The following CLOCK variants were observed in gnomAD, a reference collection of about 807,000 sequenced individuals.
The protein encoded by CLOCK is circadian locomoter output cycles protein kaput.
A neutral mutation model predicts 118.4 loss-of-function variants in CLOCK; 43 were observed. The ratio of observed to expected loss-of-function variants is 0.36; its 90% confidence interval spans 0.28 to 0.47. The LOEUF is 0.47. Ranked by LOEUF, CLOCK falls within the 20% of genes least tolerant of loss-of-function variation. The probability of loss-of-function intolerance (pLI) is 1.00; values close to 1 mark genes in which losing one functional copy is unlikely to be tolerated. For synonymous variants in CLOCK, 326 were observed against 339.2 expected (o/e 0.96, Z 0.43); for missense variants, 846 against 999.9 (o/e 0.85, Z 2.08).
At chr4:55,516,145 T>A (rs1729497612) in intron 1 of CLOCK, among the ~76,000 whole-genome samples, 1 of 152,196 alleles carries the variant, frequency 6.6e-6, no homozygotes, top group African/African-American at 2.4e-5. Flanking sequence ...GAGTGTTCCA[T>A]GTAGGCTTGA....
intron 21 of CLOCK, among the ~76,000 whole-genome samples, chr4:55,440,548 ATACTC>A (rs1296466903): frequency 1.3e-5 from 2 of 152,220 alleles, no homozygotes; most frequent in African/African-American, 2.4e-5. Flanking sequence ...TGACAATAAA[ATACTC>A]TATTTTATAC....
At chr4:55,439,884 G>A (rs1326831534) in intron 21 of CLOCK, among the ~76,000 whole-genome samples, 2 of 152,198 alleles carry the variant, frequency 1.3e-5, no homozygotes, top group East Asian at 1.9e-4. Context: ...TGGAGTTTCT[G>A]TTTGGGAAGA....
In CLOCK at chr4:55,463,803, A is replaced by G; in HGVS notation, c.441T>C (p.Ser147=). 6.2e-7 allele frequency: 1 copy of G among 1,607,676 alleles called. No individual in the cohort carries two copies. Among genetic ancestry groups the G allele is most frequent in the Non-Finnish European group, 8.5e-7 (1 of 1,175,974 alleles). The change falls in exon 9 of 23, where the codon TCT becomes TCC. Residue 147 remains serine (S), a splice_region_variant and synonymous_variant. Coordinates refer to ENST00000513440, the MANE Select transcript of CLOCK (RefSeq NM_004898.4). ...TAAATATACTTTGATCCACAAGATC[A>G]GACTGAAAAGAAAATTGTTAAAAGT... ...SVTSLLEHLP[S]DLVDQSIFNF...
intron 1 of CLOCK, among the ~76,000 whole-genome samples, chr4:55,544,123 T>TA (rs914527820): frequency 6.7e-6 from 1 of 148,700 alleles, no homozygotes; most frequent in Non-Finnish European, 1.5e-5. Flanking sequence ...AATCCAGTCC[T>TA]AAAAAAATGT....
intron 8 of CLOCK, among the ~76,000 whole-genome samples, chr4:55,465,399 A>G (rs1016640277): frequency 2.6e-5 from 4 of 152,184 alleles, no homozygotes; most frequent in African/African-American, 9.6e-5. Flanking sequence ...AAGGATGACT[A>G]TATTTTAATG....
intron 1 of CLOCK, among the ~76,000 whole-genome samples, chr4:55,516,989 G>A (rs1729555905): frequency 6.6e-6 from 1 of 151,992 alleles, no homozygotes; most frequent in South Asian, 2.1e-4. Context: ...CCTATCCTTT[G>A]TATCATTCCT....
chr4:55,537,416 G>A (rs1406036243), intron 1 of CLOCK, among the ~76,000 whole-genome samples: 2 of 151,976 alleles, frequency 1.3e-5, no homozygotes, highest in South Asian at 2.1e-4. Flanking sequence ...CTCAGGAGTT[G>A]ACGACCAGCC....
At chr4:55,521,053 G>A (rs6554283) in intron 1 of CLOCK, among the ~76,000 whole-genome samples, 19 of 152,142 alleles carry the variant, frequency 1.2e-4, no homozygotes, top group African/African-American at 4.1e-4. Flanking sequence ...CTATGCTCAC[G>A]GTTTTTTCAG....
chr4:55,453,484 CTT>C lies in CLOCK; in HGVS notation c.1130+191_1130+192del, dbSNP rs111511249. On this transcript the variant is annotated intron_variant, in intron 14 of 22. Coordinates refer to ENST00000513440, the MANE Select transcript of CLOCK (RefSeq NM_004898.4). ...GTAAAGCACAAAATTTATATCAAGA[CTT>C]ATATATCTATATCATTCCTATATTT... 2,733 of 509,822 alleles carry C rather than the reference CTT, an allele frequency of 5.4e-3. 53 individuals carry two copies. Among genetic ancestry groups the C allele is most frequent in the African/African-American group, 0.047 (2,472 of 52,112 alleles). 31.6% of individuals were successfully genotyped at this position (509,822 alleles called of 1,614,324 possible).
intron 2 of CLOCK, among the ~76,000 whole-genome samples, chr4:55,500,759 C>T (rs540153884): frequency 3.3e-5 from 5 of 152,278 alleles, no homozygotes; most frequent in South Asian, 2.1e-4. Context: ...GTAGTCACGA[C>T]TAATTGTTAT....
chr4:55,438,042 C>G (rs992051128), intron 22 of CLOCK, among the ~76,000 whole-genome samples: 4 of 152,208 alleles, frequency 2.6e-5, no homozygotes, highest in Non-Finnish European at 5.9e-5. Context: ...GCCACTCACT[C>G]TGTCCAGCAG....
intron 2 of CLOCK, among the ~76,000 whole-genome samples, chr4:55,508,526 T>C (rs1728947776): frequency 6.6e-6 from 1 of 152,110 alleles, no homozygotes; most frequent in Admixed American, 6.5e-5. Context: ...CTCAAATCTA[T>C]AAATACTCCT....
chr4:55,468,121 T>C (rs188247842), intron 8 of CLOCK, among the ~76,000 whole-genome samples: 8 of 152,252 alleles, frequency 5.3e-5, no homozygotes, highest in African/African-American at 1.9e-4. Flanking sequence ...AGAGATAAGC[T>C]ATTTTTTTAA....
In CLOCK at chr4:55,488,041, C is replaced by T. The variant is rs150452117; in HGVS notation, c.-44+1333G>A. 3.3e-5 allele frequency among the ~76,000 whole-genome samples: 5 copies of T among 152,230 alleles called. No individual in the cohort carries two copies. The East Asian group carries it at 9.6e-4, about 29-fold the overall frequency. On this transcript the variant is annotated intron_variant, in intron 3 of 22. Transcript: ENST00000513440. Reference sequence around the variant, plus strand: ...CATCACTCTTAATTAGGCTTTCATCCCCACCACTCCACTCAAATTGCTCAC... The same window carrying T: ...CATCACTCTTAATTAGGCTTTCATCTCCACCACTCCACTCAAATTGCTCAC...
intron 19 of CLOCK, among the ~76,000 whole-genome samples, 200 bp from the exon 20 acceptor site, chr4:55,444,096 A>G (rs1723593157): frequency 6.6e-6 from 1 of 152,196 alleles, no homozygotes; most frequent in East Asian, 1.9e-4. Flanking sequence ...CTTGTTTCCA[A>G]TTGTTAGAAA....
chr4:55,506,387 T>C (rs1728795705), intron 2 of CLOCK, among the ~76,000 whole-genome samples: 1 of 151,912 alleles, frequency 6.6e-6, no homozygotes, highest in African/African-American at 2.4e-5. Context: ...CTTTACATGG[T>C]ATCCTGCAAG....
chr4:55,443,843 A>C lies in CLOCK; in HGVS notation c.1746T>G (p.Ser582=). 6.2e-7 allele frequency: 1 copy of C among 1,613,814 alleles called. No individual in the cohort carries two copies. Among genetic ancestry groups the C allele is most frequent in the Non-Finnish European group, 8.5e-7 (1 of 1,179,986 alleles). The change falls in exon 20 of 23, where the codon TCT becomes TCG. Residue 582 remains serine (S), a synonymous_variant. Coordinates refer to ENST00000513440, the MANE Select transcript of CLOCK (RefSeq NM_004898.4). The part of the protein sequence containing the change: ...PGLNFGSVQL[S]SGNSSNIQQL... The stretch of plus-strand genomic sequence containing the variant: ...GCTGGATATTAGATGAATTTCCAGA[A>C]GAAAGTTGAACGGAACCAAAATTCA...
chr4:55,463,653 T>C, intron 9 of CLOCK, 32 bp downstream of exon 9: 1 of 1,610,984 alleles, frequency 6.2e-7, no homozygotes, highest in Non-Finnish European at 8.5e-7. Context: ...GAATACAACA[T>C]TTGACTTTTT....
At chr4:55,479,596 C>T (rs1261065666) in intron 5 of CLOCK, 44 bp downstream of exon 5, 1 of 1,377,180 alleles carries the variant, frequency 7.3e-7, no homozygotes, top group Non-Finnish European at 1.0e-6. Context: ...TTATATTTAT[C>T]TATTATTCAT....
Sources: gnomAD v4.1 joint callset for allele counts (sites outside exome capture counted in the v4.1 genomes callset) on GRCh38, gnomAD v4.1.1 for gene constraint, MANE v1.5 for transcripts, NCBI Gene and HGNC (gene_info 2026-07-23, HGNC 2026-07-21) for gene names.